The following DAB1 variants were observed in gnomAD, a reference collection of about 807,000 sequenced individuals.
DAB1 encodes the protein disabled homolog 1.
Under a neutral mutation model 64.6 loss-of-function variants are expected in DAB1, and 15 were observed. That is an observed-to-expected ratio of 0.23 (90% CI 0.16 to 0.36). DAB1 has a LOEUF of 0.36. Among genes scored for constraint, DAB1 ranks in the 10% least tolerant of loss-of-function variants. DAB1 has a pLI of 1.00. For missense variants in DAB1, 596 were observed against 706.7 expected, an observed-to-expected ratio of 0.84 and a Z score of 1.78; for synonymous variants, 235 against 251.9, an observed-to-expected ratio of 0.93 and a Z score of 0.64.
At chr1:57,504,285 G>A (rs1334820493) in intron 7 of DAB1, among the ~76,000 whole-genome samples, 2 of 152,066 alleles carry the variant, frequency 1.3e-5, no homozygotes, top group African/African-American at 2.4e-5. Context: ...GCTAATTCTA[G>A]GTCTGGGACA....
chr1:57,861,162 A>C (rs1419181875), intron 1 of DAB1: 1 of 152,276 alleles, frequency 6.6e-6, no homozygotes, highest in Non-Finnish European at 1.5e-5. Context: ...ATGAGTAAGC[A>C]GGGGCTCACT....
At chr1:58,461,575 C>A (rs1338468648) in intron 3 of DAB1, among the ~76,000 whole-genome samples, 1 of 152,170 alleles carries the variant, frequency 6.6e-6, no homozygotes, top group Non-Finnish European at 1.5e-5. Flanking sequence ...TAACCAAGGA[C>A]AAAACCACAG....
At chr1:58,039,931 T>A (rs1035110817) in intron 5 of DAB1, among the ~76,000 whole-genome samples, 2 of 152,156 alleles carry the variant, frequency 1.3e-5, no homozygotes, top group Non-Finnish European at 2.9e-5. Flanking sequence ...CCATTATTGT[T>A]AGGAAGCAAA....
At chr1:57,589,747 ACT>A in intron 7 of DAB1, among the ~76,000 whole-genome samples, 1 of 152,260 alleles carries the variant, frequency 6.6e-6, no homozygotes, top group East Asian at 1.9e-4. Context: ...ACAGAGTGAG[ACT>A]CTGTCTCAAG....
At chr1:57,793,666 TCTA>T (rs1478706826) in intron 6 of DAB1, among the ~76,000 whole-genome samples, 1 of 152,176 alleles carries the variant, frequency 6.6e-6, no homozygotes, top group Admixed American at 6.5e-5. Context: ...TTCTGGTTTG[TCTA>T]CTAACTCCCA....
chr1:57,179,120 GA>G (rs1455687762), intron 2 of DAB1, among the ~76,000 whole-genome samples: 2 of 152,140 alleles, frequency 1.3e-5, no homozygotes, highest in Non-Finnish European at 2.9e-5. Flanking sequence ...TAGAAATCTT[GA>G]AATTCAATAT....
chr1:58,054,641 T>C (rs1490714946), intron 5 of DAB1, among the ~76,000 whole-genome samples: 1 of 152,238 alleles, frequency 6.6e-6, no homozygotes, highest in Non-Finnish European at 1.5e-5. Flanking sequence ...AGATATTTCC[T>C]CACCATGGGG....
chr1:58,362,559 G>A (rs531917479), intron 3 of DAB1, among the ~76,000 whole-genome samples: 18 of 152,242 alleles, frequency 1.2e-4, no homozygotes, highest in African/African-American at 3.4e-4. Context: ...GATTCCCAGG[G>A]CCAATAAATT....
Position 57,178,649 on chromosome 1 carries a change from G to A in DAB1, c.68-33220C>T, listed in dbSNP as rs190181636. Among the ~76,000 whole-genome samples the A allele has an allele frequency of 2.6e-3, 398 of 152,264 alleles. 3 individuals carry two copies. The highest frequency in any genetic ancestry group is 9.2e-3 in the African/African-American group (381 of 41,556). ...GGGAAGAAGTAATTATGATTGGGAA[G>A]AGACATGGGGAAAATCCAGGCTGCT... On this transcript the variant is annotated intron_variant, in intron 2 of 14. Transcript: ENST00000371236.
At chr1:57,727,783 C>T (rs1421050264) in intron 6 of DAB1, among the ~76,000 whole-genome samples, 3 of 124,608 alleles carry the variant, frequency 2.4e-5, no homozygotes, top group Non-Finnish European at 5.3e-5. Flanking sequence ...CCTTCTCTCC[C>T]TCTGTCTCTC....
chr1:57,667,769 C>T (rs1392828218), intron 6 of DAB1, among the ~76,000 whole-genome samples: 2 of 152,008 alleles, frequency 1.3e-5, no homozygotes, highest in African/African-American at 2.4e-5. Flanking sequence ...AGTAAACTAA[C>T]ACAGGAACAG....
intron 7 of DAB1, among the ~76,000 whole-genome samples, chr1:57,467,777 C>T (rs1206514343): frequency 6.6e-6 from 1 of 152,094 alleles, no homozygotes; most frequent in African/African-American, 2.4e-5. Context: ...TTCAAAACAG[C>T]ATGTTTGAGA....
intron 4 of DAB1, among the ~76,000 whole-genome samples, chr1:58,315,573 T>TGTTCATG (rs1177105907): frequency 3.3e-5 from 5 of 152,240 alleles, no homozygotes; most frequent in African/African-American, 9.6e-5. Context: ...ATATCTGTAG[T>TGTTCATG]GTTCATGGTT....
intron 9 of DAB1, among the ~76,000 whole-genome samples, chr1:57,061,956 G>A (rs1023642523): frequency 1.3e-5 from 2 of 152,190 alleles, no homozygotes; most frequent in African/African-American, 4.8e-5. Context: ...GATGAATGAG[G>A]TCAATAGTGA....
At chr1:57,935,600 A>G (rs568609625) in intron 5 of DAB1, among the ~76,000 whole-genome samples, 2 of 152,330 alleles carry the variant, frequency 1.3e-5, no homozygotes, top group East Asian at 1.9e-4. Flanking sequence ...ATTTACAATG[A>G]TTCTGGGAGA....
chr1:57,096,086 G>C (rs1037004475), intron 4 of DAB1, among the ~76,000 whole-genome samples: 5 of 152,176 alleles, frequency 3.3e-5, no homozygotes, highest in African/African-American at 1.2e-4. Context: ...CTCATCATAA[G>C]CCTTTTGGAT....
At chr1:57,531,924 C>T (rs989643353) in intron 7 of DAB1, among the ~76,000 whole-genome samples, 1 of 152,136 alleles carries the variant, frequency 6.6e-6, no homozygotes, top group Non-Finnish European at 1.5e-5. Flanking sequence ...TACCTATTTA[C>T]AACAGATGTA....
intron 5 of DAB1, among the ~76,000 whole-genome samples, chr1:58,139,834 A>T (rs488944): frequency 0.19 from 28,814 of 152,170 alleles, 3,278 homozygotes; most frequent in East Asian, 0.42. Flanking sequence ...TAACACTTTC[A>T]TTTTCAGGGA....
chr1:57,173,161 T>G (rs1423151586), intron 2 of DAB1, among the ~76,000 whole-genome samples: 1 of 152,142 alleles, frequency 6.6e-6, no homozygotes, highest in Non-Finnish European at 1.5e-5. Flanking sequence ...CCCAAAGCAG[T>G]GTGAATACCA....
Sources: allele counts gnomAD v4.1 joint callset (sites outside exome capture counted in the v4.1 genomes callset), GRCh38; gene constraint gnomAD v4.1.1; transcripts MANE v1.5; gene names NCBI Gene and HGNC (gene_info 2026-07-23, HGNC 2026-07-21).